Variants in DPP4 observed in about 807,000 individuals in gnomAD.
DPP4 encodes the protein dipeptidyl peptidase 4.
In DPP4, 93 loss-of-function variants were observed where a neutral mutation model predicts 122.4. The ratio of observed to expected loss-of-function variants is 0.76; its 90% CI spans 0.64 to 0.90. DPP4 has a LOEUF of 0.90. Among genes scored for constraint, DPP4 ranks in the 40% least tolerant of loss-of-function variants. DPP4 has a pLI of 0.00. For synonymous variants in DPP4, 321 were observed against 302.9 expected, an observed-to-expected ratio of 1.06 and a Z score of -0.62; for missense variants, 914 against 907.3, an observed-to-expected ratio of 1.01 and a Z score of -0.09.
chr2:161,996,332 C>G (rs1015629215), intron 23 of DPP4, among the ~76,000 whole-genome samples: 42 of 152,320 alleles, frequency 2.8e-4, no homozygotes, highest in African/African-American at 8.4e-4. Context: ...AGGAAAGGGG[C>G]AGCAGCATCT....
chr2:162,038,514 G>A (rs916637657), intron 7 of DPP4, 92 bp from the exon 8 acceptor site: 2 of 1,317,242 alleles, frequency 1.5e-6, no homozygotes, highest in Non-Finnish European at 2.1e-6. Flanking sequence ...GCAAATGTAA[G>A]GATTACCATA....
intron 12 of DPP4, among the ~76,000 whole-genome samples, chr2:162,021,787 A>G (rs1172311835): frequency 6.6e-6 from 1 of 152,186 alleles, no homozygotes; most frequent in Non-Finnish European, 1.5e-5. Context: ...AGAGAGGAAA[A>G]AACATATTTT....
At chr2:162,073,219 C>A (rs768308075) in intron 2 of DPP4, 180 bp downstream of exon 2, 2 of 582,012 alleles carry the variant, frequency 3.4e-6, no homozygotes, top group South Asian at 2.3e-5. Context: ...CACTGAAGAC[C>A]CCGCGAAGTG....
intron 23 of DPP4, among the ~76,000 whole-genome samples, chr2:162,004,353 T>A (rs1331830460): frequency 2.0e-5 from 3 of 152,096 alleles, no homozygotes; most frequent in Non-Finnish European, 4.4e-5. Context: ...GAAATGAGTG[T>A]CTAAAGCAGC....
intron 2 of DPP4, among the ~76,000 whole-genome samples, chr2:162,051,507 G>T (rs866613474): frequency 6.6e-6 from 1 of 152,136 alleles, no homozygotes; most frequent in Admixed American, 6.5e-5. Flanking sequence ...TGCTCGTTAC[G>T]GCACATAACT....
chr2:162,006,022 C>T (rs562771044), intron 22 of DPP4, among the ~76,000 whole-genome samples: 11 of 152,212 alleles, frequency 7.2e-5, no homozygotes, highest in African/African-American at 2.2e-4. Context: ...GCTAATATAG[C>T]CAGAGATGCT....
At chr2:162,009,513 T>TTGTGTGTGTGTGTGTG (rs57878632) in intron 20 of DPP4, among the ~76,000 whole-genome samples, 14 of 144,384 alleles carry the variant, frequency 9.7e-5, no homozygotes, top group African/African-American at 3.3e-4. Flanking sequence ...TTCATAAAAA[T>TTGTGTGTGTGTGTGTG]TGTGTGTGTG....
At chr2:162,063,784 A>G (rs1684862171) in intron 2 of DPP4, among the ~76,000 whole-genome samples, 1 of 152,176 alleles carries the variant, frequency 6.6e-6, no homozygotes, top group Admixed American at 6.5e-5. Flanking sequence ...TTTGTGGTAA[A>G]GAGAGCAGAG....
chr2:162,034,775 T>C (rs2106119494), intron 9 of DPP4, among the ~76,000 whole-genome samples: 1 of 152,304 alleles, frequency 6.6e-6, no homozygotes, highest in East Asian at 1.9e-4. Context: ...TAACTAGTAA[T>C]ACAATCTGAT....
chr2:161,995,074 A>T, intron 24 of DPP4, 40 bp from the exon 25 acceptor site: 1 of 1,607,556 alleles, frequency 6.2e-7, no homozygotes, highest in South Asian at 1.1e-5. Context: ...GCTAATAGCC[A>T]CTCCAGTTTT....
chr2:162,034,568 G>C (rs1270982832), intron 9 of DPP4, among the ~76,000 whole-genome samples: 2 of 152,062 alleles, frequency 1.3e-5, no homozygotes, highest in Non-Finnish European at 2.9e-5. Context: ...AAGAATTCCT[G>C]GTTCCCTTCT....
intron 2 of DPP4, among the ~76,000 whole-genome samples, chr2:162,061,724 T>A (rs559609725): frequency 6.6e-6 from 1 of 152,220 alleles, no homozygotes; most frequent in Admixed American, 6.5e-5. Flanking sequence ...GATAATTTCT[T>A]TAATTCACCA....
At chr2:162,034,100 C>T (rs1173315508) in intron 9 of DPP4, among the ~76,000 whole-genome samples, 2 of 151,944 alleles carry the variant, frequency 1.3e-5, no homozygotes, top group Admixed American at 6.6e-5. Context: ...AAGACACCAT[C>T]CACCAGAAAA....
intron 16 of DPP4, 131 bp downstream of exon 16, chr2:162,018,598 C>T (rs1477336004): frequency 2.8e-5 from 34 of 1,218,804 alleles, no homozygotes; most frequent in Non-Finnish European, 3.8e-5. Flanking sequence ...ATGCTCACTA[C>T]TTAAATGTGA....
At chr2:162,022,724 T>C in intron 12 of DPP4, 31 bp downstream of exon 12, 1 of 1,611,682 alleles carries the variant, frequency 6.2e-7, no homozygotes, top group South Asian at 1.1e-5. Context: ...AGCTGACTCA[T>C]CCATAAAACC....
intron 12 of DPP4, among the ~76,000 whole-genome samples, chr2:162,022,213 TC>T (rs1368198329): frequency 6.6e-6 from 1 of 152,204 alleles, no homozygotes; most frequent in African/African-American, 2.4e-5. Flanking sequence ...GCATGACAAG[TC>T]CCTGAGGGTC....
At chr2:162,008,398 GAATAA>G (rs1338532456) in intron 22 of DPP4, among the ~76,000 whole-genome samples, 159 bp downstream of exon 22, 1 of 152,118 alleles carries the variant, frequency 6.6e-6, no homozygotes. Flanking sequence ...CAAAATAGCA[GAATAA>G]ATGAGATCAT....
chr2:162,071,418 C>T (rs976116548), intron 2 of DPP4, among the ~76,000 whole-genome samples: 2 of 152,072 alleles, frequency 1.3e-5, no homozygotes, highest in African/African-American at 4.8e-5. Context: ...CCAAAGTGGG[C>T]AGATCATGAG....
intron 10 of DPP4, among the ~76,000 whole-genome samples, chr2:162,028,068 A>C (rs1442385307): frequency 6.6e-6 from 1 of 151,396 alleles, no homozygotes; most frequent in Non-Finnish European, 1.5e-5. Context: ...AAAAAAAAAA[A>C]AAACAAAAAA....
Sources: allele counts gnomAD v4.1 joint callset (sites outside exome capture counted in the v4.1 genomes callset), GRCh38; gene constraint gnomAD v4.1.1; transcripts MANE v1.5; gene names NCBI Gene and HGNC (gene_info 2026-07-23, HGNC 2026-07-21).